Variants in ASAP1 observed in about 807,000 individuals in gnomAD.
ASAP1 encodes arf-GAP with SH3 domain, ANK repeat and PH domain-containing protein 1.
A neutral mutation model predicts 145.2 loss-of-function variants in ASAP1; 43 were observed. The ratio of observed to expected loss-of-function variants is 0.30; its 90% confidence interval spans 0.23 to 0.38. The LOEUF (loss-of-function observed/expected upper bound fraction) is 0.38, where lower values mean the gene tolerates loss of function less well. Among genes scored for constraint, ASAP1 ranks in the 10% least tolerant of loss-of-function variants. The probability of loss-of-function intolerance (pLI) is 1.00; values close to 1 mark genes in which losing one functional copy is unlikely to be tolerated. For missense variants in ASAP1, 1,018 were observed against 1,355.3 expected, an observed-to-expected ratio of 0.75 and a Z score of 3.91; for synonymous variants, 546 against 515.5, an observed-to-expected ratio of 1.06 and a Z score of -0.80.
At chr8:130,115,501 T>C in intron 23 of ASAP1, 127 bp downstream of exon 23, 1 of 745,004 alleles carries the variant, frequency 1.3e-6, no homozygotes, top group Non-Finnish European at 2.3e-6. Context: ...CTGAACAACA[T>C]AAATGGCCCT....
rs949008138 is a variant in ASAP1 at position 130,168,223 on chromosome 8, G to A, written c.823-601C>T. Among the ~76,000 whole-genome samples the A allele has an allele frequency of 2.6e-5, 4 of 152,018 alleles. No individual in the cohort carries two copies. The East Asian group carries it at 5.8e-4, about 22-fold the overall frequency. ...ATTTACTCATACTCATAATATATAC[G>A]CTTTTATTTACCCCCAAATGATTTT... On this transcript the variant is annotated intron_variant, in intron 10 of 29. Transcript: ENST00000518721.
At chr8:130,408,509 T>C (rs951184383) in intron 1 of ASAP1, among the ~76,000 whole-genome samples, 1 of 152,212 alleles carries the variant, frequency 6.6e-6, no homozygotes, top group East Asian at 1.9e-4. Flanking sequence ...CCCTGGTTTT[T>C]AGACCTTCGG....
intron 2 of ASAP1, among the ~76,000 whole-genome samples, chr8:130,400,126 C>T (rs1031104315): frequency 6.6e-6 from 1 of 152,110 alleles, no homozygotes; most frequent in Non-Finnish European, 1.5e-5. Flanking sequence ...GGCCGAAAGC[C>T]GGTGTCTTGT....
rs1297449016 is a variant in ASAP1, at chr8:130,163,982, C to T, written c.909+3554G>A. On this transcript the variant is annotated intron_variant, in intron 11 of 29. Transcript: ENST00000518721. ...TTATACATTCATTGATTTAATGGGGCTATAAATGTTTCTGGTATCCAATTT... is the reference window on the plus strand; with the variant it reads ...TTATACATTCATTGATTTAATGGGGTTATAAATGTTTCTGGTATCCAATTT... 2.0e-5 allele frequency among the ~76,000 whole-genome samples: 3 copies of T among 152,124 alleles called. No homozygotes were observed. In the East Asian group the frequency reaches 5.8e-4, roughly 29 times the overall value.
intron 25 of ASAP1, chr8:130,084,389 TTC>T (rs1491102468): frequency 6.6e-6 from 1 of 152,246 alleles, no homozygotes; most frequent in Non-Finnish European, 1.5e-5. Flanking sequence ...CAATCCCTTT[TTC>T]TCTCTCTGTG....
intron 1 of ASAP1, among the ~76,000 whole-genome samples, chr8:130,415,231 G>C (rs1261395423): frequency 1.3e-5 from 2 of 151,384 alleles, no homozygotes; most frequent in South Asian, 4.1e-4. Context: ...GGGTAATTCA[G>C]GCTGAGGCAG....
intron 3 of ASAP1, chr8:130,340,938 T>C (rs757970368): frequency 2.2e-6 from 1 of 450,492 alleles, no homozygotes; most frequent in South Asian, 1.6e-5. Flanking sequence ...GGGAATAAAA[T>C]ACTAGGTTTT....
chr8:130,164,089 T>G (rs1222097498), intron 11 of ASAP1, among the ~76,000 whole-genome samples: 3 of 152,174 alleles, frequency 2.0e-5, no homozygotes, highest in African/African-American at 7.2e-5. Context: ...TTCTGTTTCA[T>G]TTTTCTAAAT....
At chr8:130,345,519 G>A (rs1825655799) in intron 3 of ASAP1, among the ~76,000 whole-genome samples, 1 of 152,104 alleles carries the variant, frequency 6.6e-6, no homozygotes, top group Non-Finnish European at 1.5e-5. Context: ...CCGTTTACTT[G>A]CACTTTGCAG....
chr8:130,266,085 G>A (rs1204527421), intron 3 of ASAP1, among the ~76,000 whole-genome samples: 3 of 152,174 alleles, frequency 2.0e-5, no homozygotes, highest in Admixed American at 6.5e-5. Flanking sequence ...CAGGTGCGGG[G>A]TTGAAACTTA....
intron 3 of ASAP1, among the ~76,000 whole-genome samples, chr8:130,278,817 TG>T (rs1162438587): frequency 1.3e-5 from 2 of 152,200 alleles, no homozygotes; most frequent in Admixed American, 1.3e-4. Context: ...GTAACCACTC[TG>T]GGGGCAGAAC....
intron 3 of ASAP1, among the ~76,000 whole-genome samples, chr8:130,277,332 A>C (rs888383335): frequency 1.2e-4 from 18 of 152,232 alleles, no homozygotes; most frequent in Admixed American, 1.2e-3. Flanking sequence ...GCAACAGGAG[A>C]AAAACACCAA....
intron 3 of ASAP1, among the ~76,000 whole-genome samples, chr8:130,324,820 C>T (rs1382469423): frequency 6.6e-6 from 1 of 152,152 alleles, no homozygotes; most frequent in Non-Finnish European, 1.5e-5. Flanking sequence ...TTTTTTACAG[C>T]ACCTCTTTTG....
intron 3 of ASAP1, among the ~76,000 whole-genome samples, chr8:130,265,738 G>A (rs1820203473): frequency 6.6e-6 from 1 of 152,166 alleles, no homozygotes; most frequent in African/African-American, 2.4e-5. Context: ...GTAGCCAGGT[G>A]AGGTGGCACA....
intron 2 of ASAP1, chr8:130,361,599 T>C (rs957445974): frequency 6.3e-6 from 7 of 1,116,634 alleles, no homozygotes; most frequent in African/African-American, 3.1e-5. Context: ...TGAGATATTG[T>C]GCTTTGGTAA....
intron 4 of ASAP1, among the ~76,000 whole-genome samples, chr8:130,234,388 A>T (rs987590510): frequency 1.3e-5 from 2 of 152,148 alleles, no homozygotes. Flanking sequence ...CCCCTAATCC[A>T]GACTGGAGAG....
intron 27 of ASAP1, among the ~76,000 whole-genome samples, chr8:130,064,037 C>A (rs1260140949): frequency 1.3e-5 from 2 of 152,028 alleles, no homozygotes; most frequent in East Asian, 1.9e-4. Context: ...GGCAAGAGTG[C>A]GTCAAAAATG....
chr8:130,314,279 A>C (rs1823536498), intron 3 of ASAP1, among the ~76,000 whole-genome samples: 1 of 152,188 alleles, frequency 6.6e-6, no homozygotes, highest in Admixed American at 6.5e-5. Flanking sequence ...TGATGCTCTC[A>C]AAACATATTG....
chr8:130,441,002 G>T (rs1470578371), intron 1 of ASAP1, among the ~76,000 whole-genome samples: 2 of 152,192 alleles, frequency 1.3e-5, no homozygotes, highest in Non-Finnish European at 2.9e-5. Flanking sequence ...GCAGTGCCAG[G>T]TCTATTTCGT....
Sources: gnomAD v4.1 joint callset for allele counts (sites outside exome capture counted in the v4.1 genomes callset) on GRCh38, gnomAD v4.1.1 for gene constraint, MANE v1.5 for transcripts, NCBI Gene and HGNC (gene_info 2026-07-23, HGNC 2026-07-21) for gene names.